METTL15: variants seen among roughly 807,000 people sequenced by gnomAD.
METTL15 encodes the protein 12S rRNA N(4)-cytidine methyltransferase METTL15.
Under a neutral mutation model 38.3 loss-of-function variants are expected in METTL15, and 34 were observed. The ratio of observed to expected loss-of-function variants is 0.89; its 90% CI spans 0.68 to 1.18. METTL15 has a LOEUF of 1.18. Ranked by LOEUF, METTL15 falls within the 50% of genes most tolerant of loss-of-function variation. The pLI, the probability that METTL15 is intolerant of heterozygous loss-of-function variation, is 0.00. For missense variants in METTL15, 438 were observed against 498.4 expected (o/e 0.88, Z 1.15); for synonymous variants, 162 against 170.9 (o/e 0.95, Z 0.41).
At chr11:28,520,293 C>T (rs1017925189) in intron 6 of METTL15, among the ~76,000 whole-genome samples, 3 of 151,880 alleles carry the variant, frequency 2.0e-5, no homozygotes, top group Admixed American at 6.6e-5. Context: ...GAGCCGTGAT[C>T]CAAGCCACTG....
In METTL15 at chr11:28,367,802, A is replaced by G. The variant is rs1448310978; in HGVS notation, c.*358+5766A>G. Among the ~76,000 whole-genome samples, 4 of 152,292 alleles carry G rather than the reference A, an allele frequency of 2.6e-5. No individual in the cohort carries two copies. In the East Asian group the frequency reaches 5.8e-4, roughly 22 times the overall value. ...TAAGAAATAACACCATGCATCTACA[A>G]CTATCTGATCTTTGAAAAACCTGAC... On this transcript the variant is annotated intron_variant and NMD_transcript_variant, in intron 5 of 7. Transcript: ENST00000532947.
chr11:28,111,366 A>G (rs1490133342), intron 2 of METTL15, among the ~76,000 whole-genome samples: 1 of 152,144 alleles, frequency 6.6e-6, no homozygotes, highest in Non-Finnish European at 1.5e-5. Context: ...CAAAATCTGG[A>G]CATATAGGGT....
chr11:28,211,196 T>A lies in METTL15; in HGVS notation c.405T>A (p.Tyr135Ter). Residue 135 changes from tyrosine to a stop codon, truncating the protein, a stop_gained and splice_region_variant, in exon 4 of 7, where the codon TAT becomes TAA. Coordinates refer to ENST00000407364, the MANE Select transcript of METTL15 (RefSeq NM_001113528.2). LOFTEE classifies it high-confidence loss of function. ...TAGCTGAACATCTTTCAGAGTTGTA[T>A]CCGTAAGTAATACCCTTGCATATTT... The part of the protein sequence containing the change: ...YALAEHLSEL[Y>*]PKQIRAMLGQ... The A allele has an allele frequency of 1.2e-6, 2 of 1,607,784 alleles. No homozygotes were observed. Among genetic ancestry groups the A allele is most frequent in the South Asian group, 1.1e-5 (1 of 89,544 alleles).
intron 5 of METTL15, among the ~76,000 whole-genome samples, chr11:28,404,558 C>T (rs1431731136): frequency 6.6e-6 from 1 of 152,028 alleles, no homozygotes; most frequent in Non-Finnish European, 1.5e-5. Context: ...GCTGTCATAG[C>T]CTAATCATCT....
At chr11:28,385,566 TGG>T (rs2133388415) in intron 5 of METTL15, among the ~76,000 whole-genome samples, 1 of 152,172 alleles carries the variant, frequency 6.6e-6, no homozygotes, top group South Asian at 2.1e-4. Context: ...AGTTTCAAGT[TGG>T]GTAACATGAT....
chr11:28,442,283 G>A (rs928269359), intron 6 of METTL15, among the ~76,000 whole-genome samples: 1 of 152,172 alleles, frequency 6.6e-6, no homozygotes, highest in East Asian at 1.9e-4. Context: ...AAGGAAGGAG[G>A]CTTTAATGTC....
chr11:28,315,895 T>C (rs1274594346), intron 6 of METTL15, among the ~76,000 whole-genome samples: 1 of 152,156 alleles, frequency 6.6e-6, no homozygotes. Context: ...AAGTCAAGAA[T>C]TGGGGTTTGG....
At chr11:28,430,918 C>T (rs796393055) in intron 6 of METTL15, among the ~76,000 whole-genome samples, 5,171 of 63,254 alleles carry the variant, frequency 0.082, 30 homozygotes, top group Non-Finnish European at 0.12. Context: ...GTCAGCCCCC[C>T]GCCCGGCCAG....
At chr11:28,383,437 G>A (rs1399533004) in intron 5 of METTL15, among the ~76,000 whole-genome samples, 1 of 152,116 alleles carries the variant, frequency 6.6e-6, no homozygotes, top group African/African-American at 2.4e-5. Context: ...ATATGTGTTT[G>A]TGTCTTTTTG....
intron 4 of METTL15, among the ~76,000 whole-genome samples, chr11:28,289,219 C>G (rs1416324401): frequency 6.6e-6 from 1 of 152,094 alleles, no homozygotes; most frequent in Non-Finnish European, 1.5e-5. Flanking sequence ...GCTCAAAGTA[C>G]AGAAAGTCAT....
chr11:28,341,540 A>T (rs976147811), intron 3 of METTL15, among the ~76,000 whole-genome samples: 1 of 152,196 alleles, frequency 6.6e-6, no homozygotes, highest in Non-Finnish European at 1.5e-5. Flanking sequence ...ATCATCTTGC[A>T]TATAAATTTA....
At chr11:28,482,516 C>A (rs1461709250) in intron 6 of METTL15, among the ~76,000 whole-genome samples, 20 of 152,154 alleles carry the variant, frequency 1.3e-4, no homozygotes, top group Non-Finnish European at 2.6e-4. Context: ...CTCAGGAAAT[C>A]CTAATTCTCG....
At chr11:28,460,988 A>C (rs922819291) in intron 6 of METTL15, among the ~76,000 whole-genome samples, 6 of 152,062 alleles carry the variant, frequency 3.9e-5, no homozygotes, top group African/African-American at 1.4e-4. Context: ...TTTGTGCACC[A>C]AGGTCAGGGA....
chr11:28,114,596 G>A (rs1590737527), intron 3 of METTL15, among the ~76,000 whole-genome samples: 1 of 152,114 alleles, frequency 6.6e-6, no homozygotes. Context: ...GACTATAGGT[G>A]AACACTACCG....
intron 6 of METTL15, among the ~76,000 whole-genome samples, chr11:28,474,509 C>T (rs1259091873): frequency 1.3e-5 from 2 of 151,902 alleles, no homozygotes; most frequent in African/African-American, 4.8e-5. Flanking sequence ...TGAAGGTGAC[C>T]CAAGCAGCAA....
chr11:28,316,552 G>A (rs1857487408), intron 6 of METTL15, among the ~76,000 whole-genome samples: 2 of 152,184 alleles, frequency 1.3e-5, no homozygotes, highest in Non-Finnish European at 2.9e-5. Context: ...TTAAGAGTTT[G>A]GGGGACTGTT....
chr11:28,129,407 C>CTTTTTTTTTTTTTTT (rs71449170), intron 3 of METTL15, among the ~76,000 whole-genome samples: 1 of 143,772 alleles, frequency 7.0e-6, no homozygotes. Flanking sequence ...TATAAAATTA[C>CTTTTTTTTTTTTTTT]TTTTTTTTTT....
chr11:28,427,892 A>C (rs1850879707), intron 6 of METTL15, among the ~76,000 whole-genome samples: 1 of 152,170 alleles, frequency 6.6e-6, no homozygotes, highest in African/African-American at 2.4e-5. Flanking sequence ...CTGTCTTTCT[A>C]TTAGAATACC....
At chr11:28,376,700 T>G (rs1283788224) in intron 5 of METTL15, among the ~76,000 whole-genome samples, 1 of 151,978 alleles carries the variant, frequency 6.6e-6, no homozygotes, top group African/African-American at 2.4e-5. Flanking sequence ...GATCCTGTCA[T>G]TATGATGTTA....
Sources: gnomAD v4.1 joint callset for allele counts (sites outside exome capture counted in the v4.1 genomes callset) on GRCh38, gnomAD v4.1.1 for gene constraint, MANE v1.5 for transcripts, NCBI Gene and HGNC (gene_info 2026-07-23, HGNC 2026-07-21) for gene names.